Variants in KCNK9 observed in about 807,000 individuals in gnomAD.
KCNK9 encodes potassium channel subfamily K member 9.
KCNK9 carries 1 observed loss-of-function variant against 10.8 expected under a neutral mutation model. That is an observed-to-expected ratio of 0.09 (90% CI 0.03 to 0.44). The LOEUF is 0.44. Among genes scored for constraint, KCNK9 ranks in the 20% least tolerant of loss-of-function variants. KCNK9 has a pLI of 0.97. For synonymous variants in KCNK9, 231 were observed against 222.7 expected, an observed-to-expected ratio of 1.04 and a Z score of -0.33; for missense variants, 303 against 515.0, an observed-to-expected ratio of 0.59 and a Z score of 3.98.
At chr8:139,609,715 G>A (rs1814360603), downstream of KCNK9, among the ~76,000 whole-genome samples, 1 of 152,176 alleles carries the variant, frequency 6.6e-6, no homozygotes, top group South Asian at 2.1e-4. Context: ...CAGGGCTGTT[G>A]GTTAATTAAG....
At chr8:139,623,100 CCAT>C (rs1440182002) in intron 1 of KCNK9, among the ~76,000 whole-genome samples, 1 of 152,182 alleles carries the variant, frequency 6.6e-6, no homozygotes, top group African/African-American at 2.4e-5. Context: ...GTAGTACACA[CCAT>C]GTCTACAGAT....
chr8:139,672,078 G>A (rs542991672), intron 1 of KCNK9, among the ~76,000 whole-genome samples: 1 of 152,314 alleles, frequency 6.6e-6, no homozygotes, highest in Admixed American at 6.5e-5. Flanking sequence ...GGCCGGGCAG[G>A]TGGGACTGAC....
At chr8:139,610,312 G>A (rs1814381520), downstream of KCNK9, among the ~76,000 whole-genome samples, 1 of 152,176 alleles carries the variant, frequency 6.6e-6, no homozygotes, top group South Asian at 2.1e-4. Flanking sequence ...GTGCCCACAA[G>A]GCCTTAGCCA....
chr8:139,640,207 C>T (rs906418663), intron 1 of KCNK9, among the ~76,000 whole-genome samples: 3 of 152,196 alleles, frequency 2.0e-5, no homozygotes, highest in African/African-American at 7.2e-5. Flanking sequence ...GTTCTGAGGC[C>T]GTGATGCATG....
intron 1 of KCNK9, among the ~76,000 whole-genome samples, chr8:139,701,710 C>A (rs1315779931): frequency 6.6e-6 from 1 of 152,166 alleles, no homozygotes; most frequent in Non-Finnish European, 1.5e-5. Context: ...CACCACCCTG[C>A]CTCCTGCCAT....
intron 1 of KCNK9, among the ~76,000 whole-genome samples, chr8:139,640,157 G>T (rs1170428878): frequency 6.6e-6 from 1 of 152,192 alleles, no homozygotes; most frequent in Non-Finnish European, 1.5e-5. Flanking sequence ...CAGCCAAAAT[G>T]CCCTGTCTCT....
intron 1 of KCNK9, among the ~76,000 whole-genome samples, chr8:139,662,333 G>C (rs1816174602): frequency 6.6e-6 from 1 of 152,206 alleles, no homozygotes; most frequent in South Asian, 2.1e-4. Flanking sequence ...CTTGCTAGGG[G>C]CTGGGTGTGG....
intron 1 of KCNK9, among the ~76,000 whole-genome samples, chr8:139,673,891 G>A (rs1303531420): frequency 3.9e-5 from 6 of 152,154 alleles, no homozygotes; most frequent in South Asian, 2.1e-4. Flanking sequence ...GGCCAGATTC[G>A]GGGACCTCTC....
chr8:139,602,685 A>G (rs73358004), intron 2 of KCNK9, among the ~76,000 whole-genome samples: 7,909 of 152,290 alleles, frequency 0.052, 235 homozygotes, highest in African/African-American at 0.079. Context: ...ACTAAATGGT[A>G]GGGCTCACCC....
chr8:139,675,474 G>A (rs1443837118), intron 1 of KCNK9, among the ~76,000 whole-genome samples: 3 of 152,192 alleles, frequency 2.0e-5, no homozygotes, highest in Admixed American at 2.0e-4. Context: ...TATAAGGACA[G>A]ACCCCAGAAA....
intron 1 of KCNK9, among the ~76,000 whole-genome samples, chr8:139,700,305 T>G (rs1372929576): frequency 6.6e-6 from 1 of 152,134 alleles, no homozygotes; most frequent in Non-Finnish European, 1.5e-5. Flanking sequence ...GTAGTTATTG[T>G]GAGACATCTC....
chr8:139,612,808 T>G (rs928858683), downstream of KCNK9: 10 of 152,144 alleles, frequency 6.6e-5, no homozygotes, highest in African/African-American at 2.4e-4. Context: ...GGGTTTTTTT[T>G]GCCAAAACTG....
chr8:139,666,846 C>T (rs538543439), intron 1 of KCNK9, among the ~76,000 whole-genome samples: 117 of 152,376 alleles, frequency 7.7e-4, no homozygotes, highest in South Asian at 1.7e-3. Flanking sequence ...CCTTAAGGCA[C>T]CTGCCCCCTT....
chr8:139,618,625 T>A lies in KCNK9; in HGVS notation c.758A>T (p.Asp253Val). 6.2e-7 allele frequency: 1 copy of A among 1,614,168 alleles called. No homozygotes were observed. Among genetic ancestry groups the A allele is most frequent in the South Asian group, 1.1e-5 (1 of 91,090 alleles). ...CCTCTCTTCAGCATCCCGCCGCTCA[T>A]CCTCACTGTTCATGGTCAAGAACCT... ...VLRFLTMNSE[D>V]ERRDAEERAS... The change falls in exon 2 of 2, where the codon GAT becomes GTT. Residue 253 changes from aspartate (D) to valine (V), a missense_variant. By Grantham distance (152) the Asp-to-Val change is radical. This residue lies in a region of KCNK9 where 53 missense variants were observed against 134.9 expected (regional missense o/e 0.39). Transcript: ENST00000520439. The surrounding 1 kb of genome is among the most constrained non-coding windows in gnomAD (Gnocchi z 7.9).
At chr8:139,696,723 G>T (rs1439239996) in intron 1 of KCNK9, among the ~76,000 whole-genome samples, 1 of 151,880 alleles carries the variant, frequency 6.6e-6, no homozygotes, top group African/African-American at 2.4e-5. Context: ...GGATGAGTGG[G>T]TGGGTGAATA....
In KCNK9 at chr8:139,654,031, G is replaced by A. The variant is rs570130723; in HGVS notation, c.284-34932C>T. Among the ~76,000 whole-genome samples, 8 of 152,358 alleles carry A rather than the reference G, an allele frequency of 5.3e-5. No individual in the cohort carries two copies. In the South Asian group the frequency reaches 8.3e-4, roughly 16 times the overall value. ...TCATGGGCCACACAAGTGGGTGTTC[G>A]GCCTGGACTCTGACCCCATCCCCTG... On this transcript the variant is annotated intron_variant, in intron 1 of 1. Transcript: ENST00000520439.
intron 1 of KCNK9, among the ~76,000 whole-genome samples, chr8:139,700,081 AAAG>A (rs1210135969): frequency 6.6e-6 from 1 of 152,226 alleles, no homozygotes; most frequent in African/African-American, 2.4e-5. Context: ...TATATTAAAA[AAAG>A]AAAAAAAAAC....
chr8:139,623,775 G>A (rs1203415089), intron 1 of KCNK9, among the ~76,000 whole-genome samples: 1 of 152,126 alleles, frequency 6.6e-6, no homozygotes, highest in Non-Finnish European at 1.5e-5. Context: ...TCATAAAGGG[G>A]TCACTTATCC....
chr8:139,677,729 C>T (rs1265799187), intron 1 of KCNK9, among the ~76,000 whole-genome samples: 2,543 of 52,928 alleles, frequency 0.048, 167 homozygotes, highest in African/African-American at 0.14. Flanking sequence ...CCCAGCCCAA[C>T]GGGTCCCTAC....
Sources: allele counts gnomAD v4.1 joint callset (sites outside exome capture counted in the v4.1 genomes callset), GRCh38; gene constraint gnomAD v4.1.1; regional missense constraint gnomAD v4.1.1; non-coding constraint Gnocchi (gnomAD v3.1); transcripts MANE v1.5; gene names NCBI Gene and HGNC (gene_info 2026-07-23, HGNC 2026-07-21).